PCDH9: variants seen among roughly 807,000 people sequenced by gnomAD.
PCDH9 encodes protocadherin-9.
PCDH9 carries 24 observed loss-of-function variants against 70.6 expected under a neutral mutation model. That is an observed-to-expected ratio of 0.34 (90% CI 0.25 to 0.48). The LOEUF is 0.48. Among genes scored for constraint, PCDH9 ranks in the 20% least tolerant of loss-of-function variants. PCDH9 has a pLI of 0.99. For synonymous variants in PCDH9, 562 were observed against 558.5 expected (o/e 1.01, Z -0.09); for missense variants, 1,281 against 1,503.6 (o/e 0.85, Z 2.45).
At chr13:66,316,578 T>C (rs1362063988) in intron 4 of PCDH9, among the ~76,000 whole-genome samples, 3 of 152,176 alleles carry the variant, frequency 2.0e-5, no homozygotes, top group Non-Finnish European at 4.4e-5. Context: ...TTTGGTATTA[T>C]GTATGCCTGG....
chr13:66,526,727 C>T (rs1241278319), intron 4 of PCDH9, among the ~76,000 whole-genome samples: 1 of 152,098 alleles, frequency 6.6e-6, no homozygotes, highest in East Asian at 1.9e-4. Context: ...ATAATAATCT[C>T]AAATTCATTA....
chr13:66,464,037 A>G (rs1040064529), intron 4 of PCDH9, among the ~76,000 whole-genome samples: 22 of 151,978 alleles, frequency 1.4e-4, no homozygotes, highest in Non-Finnish European at 2.7e-4. Flanking sequence ...TCTGTTTTAC[A>G]CTAGGACCAC....
chr13:66,530,273 C>T (rs1960395533), intron 4 of PCDH9, among the ~76,000 whole-genome samples: 1 of 152,038 alleles, frequency 6.6e-6, no homozygotes, highest in Non-Finnish European at 1.5e-5. Flanking sequence ...CAAGGATTCC[C>T]AGTGGCCAAC....
At chr13:66,446,676 A>G (rs1374933977) in intron 4 of PCDH9, among the ~76,000 whole-genome samples, 2 of 152,098 alleles carry the variant, frequency 1.3e-5, no homozygotes, top group African/African-American at 4.8e-5. Context: ...TGAAGAAATC[A>G]TATGTTCATA....
intron 4 of PCDH9, among the ~76,000 whole-genome samples, chr13:66,630,004 T>C (rs762362967): frequency 2.0e-5 from 3 of 152,106 alleles, no homozygotes; most frequent in Admixed American, 1.3e-4. Context: ...ACTTCCACCA[T>C]AGAAATGCCA....
chr13:66,834,594 C>A (rs1171881308), intron 3 of PCDH9, among the ~76,000 whole-genome samples: 1 of 152,164 alleles, frequency 6.6e-6, no homozygotes, highest in African/African-American at 2.4e-5. Flanking sequence ...GAAGGAAGTA[C>A]AAGGTAGTAT....
rs1335575668 is a variant in PCDH9 at position 67,029,692 on chromosome 13, A to G, written c.3037-126087T>C. ...ACTAAGCTTATTCATCATTTTTTCC[A>G]ATTAGGAAAACATATCAAAATTCTG... On this transcript the variant is annotated intron_variant, in intron 2 of 4. Coordinates refer to ENST00000377865, the MANE Select transcript of PCDH9 (RefSeq NM_203487.3). Among the ~76,000 whole-genome samples, 4 of 152,270 alleles carry G rather than the reference A, an allele frequency of 2.6e-5. No individual in the cohort carries two copies. In the East Asian group the frequency reaches 7.7e-4, roughly 29 times the overall value.
At chr13:66,857,164 C>G (rs1051950106) in intron 3 of PCDH9, among the ~76,000 whole-genome samples, 1 of 152,110 alleles carries the variant, frequency 6.6e-6, no homozygotes, top group South Asian at 2.1e-4. Flanking sequence ...TTCTCTGCAT[C>G]TATCTTAACT....
intron 4 of PCDH9, among the ~76,000 whole-genome samples, chr13:66,625,036 A>T (rs1372049817): frequency 6.6e-6 from 1 of 152,118 alleles, no homozygotes; most frequent in Non-Finnish European, 1.5e-5. Context: ...TGTTTAATGT[A>T]TTCCCATTAT....
In PCDH9 at chr13:67,021,565, A is replaced by AT. The variant is rs573832091; in HGVS notation, c.3037-117961dup. On this transcript the variant is annotated intron_variant, in intron 2 of 4. Transcript: ENST00000377865. ...CAGGCTCATGAAGGATGATGGTGTA[A>AT]TTTTTTTTTCTTTTGAGACGGTCTC... 5.9e-5 allele frequency among the ~76,000 whole-genome samples: 9 copies of AT among 151,318 alleles called. 1 individual carries two copies. In the Middle Eastern group the frequency reaches 0.014, roughly 230 times the overall value.
intron 4 of PCDH9, among the ~76,000 whole-genome samples, chr13:66,515,721 T>A (rs1364515046): frequency 6.6e-6 from 1 of 151,996 alleles, no homozygotes; most frequent in African/African-American, 2.4e-5. Context: ...TTAACAAGAA[T>A]GTAAATAGTA....
At chr13:66,372,559 G>C (rs1246834136) in intron 4 of PCDH9, among the ~76,000 whole-genome samples, 1 of 151,322 alleles carries the variant, frequency 6.6e-6, no homozygotes, top group Non-Finnish European at 1.5e-5. Flanking sequence ...TGATCGCATA[G>C]TAGCCAATGA....
chr13:66,647,990 G>T lies in PCDH9; in HGVS notation c.3139-16579C>A, dbSNP rs2077795373. 2.0e-5 allele frequency among the ~76,000 whole-genome samples: 3 copies of T among 152,156 alleles called. No individual in the cohort carries two copies. In the South Asian group the frequency reaches 6.2e-4, roughly 32 times the overall value. On this transcript the variant is annotated intron_variant, in intron 3 of 4. Coordinates refer to ENST00000377865, the MANE Select transcript of PCDH9 (RefSeq NM_203487.3). ...TACTACTTGTGGAAAGGAGAAGAAA[G>T]GGTGGGAAAATCTTGTCTTTTGGCT...
At chr13:66,482,381 T>C (rs75013483) in intron 4 of PCDH9, among the ~76,000 whole-genome samples, 3,003 of 152,274 alleles carry the variant, frequency 0.02, 93 homozygotes, top group African/African-American at 0.068. Flanking sequence ...CTGCTGTCTA[T>C]GAGGAAGAAA....
intron 2 of PCDH9, among the ~76,000 whole-genome samples, chr13:66,905,730 T>C (rs544690446): frequency 1.2e-3 from 186 of 152,256 alleles, no homozygotes; most frequent in African/African-American, 4.3e-3. Flanking sequence ...ATTTGTATAA[T>C]ACTTTATGCT....
At chr13:66,721,464 C>T (rs867354541) in intron 3 of PCDH9, among the ~76,000 whole-genome samples, 13 of 152,110 alleles carry the variant, frequency 8.5e-5, no homozygotes, top group African/African-American at 9.7e-5. Context: ...ATTTACAGAA[C>T]GTGCAATATG....
At chr13:66,332,762 G>A (rs1955965895) in intron 4 of PCDH9, among the ~76,000 whole-genome samples, 1 of 151,800 alleles carries the variant, frequency 6.6e-6, no homozygotes. Flanking sequence ...GGACAGAGCA[G>A]TGTGCATTAG....
At chr13:66,308,897 TAAA>T (rs1955516363) in intron 4 of PCDH9, among the ~76,000 whole-genome samples, 1 of 151,908 alleles carries the variant, frequency 6.6e-6, no homozygotes, top group Admixed American at 6.6e-5. Context: ...CAGCAAAAAA[TAAA>T]AACAAAAACA....
intron 2 of PCDH9, among the ~76,000 whole-genome samples, chr13:67,173,040 C>T (rs2088340328): frequency 6.6e-6 from 1 of 152,032 alleles, no homozygotes; most frequent in East Asian, 1.9e-4. Context: ...GGGAGTCACT[C>T]AACTCTCTGG....
Sources: gnomAD v4.1 joint callset for allele counts (sites outside exome capture counted in the v4.1 genomes callset) on GRCh38, gnomAD v4.1.1 for gene constraint, MANE v1.5 for transcripts, NCBI Gene and HGNC (gene_info 2026-07-23, HGNC 2026-07-21) for gene names.